Variants in DLG2 observed in about 807,000 individuals in gnomAD.
DLG2 encodes the protein disks large homolog 2.
In DLG2, 45 loss-of-function variants were observed where a neutral mutation model predicts 132.5. The observed-to-expected ratio is 0.34, with a 90% CI of 0.27 to 0.44. The LOEUF is 0.44. Ranked by LOEUF, DLG2 falls within the 20% of genes least tolerant of loss-of-function variation. The pLI is 1.00. For synonymous variants in DLG2, 424 were observed against 419.6 expected (o/e 1.01, Z -0.13); for missense variants, 1,045 against 1,196.9 (o/e 0.87, Z 1.87).
intron 6 of DLG2, among the ~76,000 whole-genome samples, chr11:84,844,944 G>A (rs1449652476): frequency 6.6e-6 from 1 of 152,112 alleles, no homozygotes; most frequent in Non-Finnish European, 1.5e-5. Context: ...CAAATCCAGT[G>A]AATATGCATA....
At chr11:84,308,342 C>T (rs1379306776) in intron 7 of DLG2, among the ~76,000 whole-genome samples, 1 of 152,216 alleles carries the variant, frequency 6.6e-6, no homozygotes, top group African/African-American at 2.4e-5. Context: ...GGTGCATTCA[C>T]AATCCCTGAG....
In DLG2 at chr11:84,815,412, T is replaced by C. The variant is rs545705426; in HGVS notation, c.358-280681A>G. ...TGTCAGTAATATCTGGCTTACATAATTACATGAAACGTTTCTGCTTCCATC... is the reference window on the plus strand; with the variant it reads ...TGTCAGTAATATCTGGCTTACATAACTACATGAAACGTTTCTGCTTCCATC... On this transcript the variant is annotated intron_variant, in intron 6 of 27. Coordinates refer to ENST00000376104, the MANE Select transcript of DLG2 (RefSeq NM_001142699.3). Among the ~76,000 whole-genome samples the C allele has an allele frequency of 2.5e-4, 38 of 152,178 alleles. 1 individual carries two copies. The highest frequency in any genetic ancestry group is 6.8e-3 in the Middle Eastern group (2 of 294).
chr11:84,621,088 A>T (rs2099613120), intron 6 of DLG2, among the ~76,000 whole-genome samples: 1 of 152,124 alleles, frequency 6.6e-6, no homozygotes, highest in Admixed American at 6.6e-5. Context: ...CAGAAGGTGA[A>T]AGCACATAAA....
chr11:84,484,783 T>G (rs2154494300), intron 7 of DLG2, among the ~76,000 whole-genome samples: 1 of 152,306 alleles, frequency 6.6e-6, no homozygotes, highest in African/African-American at 2.4e-5. Context: ...ATCTTTCAAG[T>G]CACGTGGCTC....
chr11:83,626,282 T>C (rs981072206), intron 19 of DLG2, among the ~76,000 whole-genome samples: 1 of 152,116 alleles, frequency 6.6e-6, no homozygotes, highest in Non-Finnish European at 1.5e-5. Flanking sequence ...ACATAACACA[T>C]GGGGTATCAG....
intron 7 of DLG2, among the ~76,000 whole-genome samples, chr11:84,483,975 C>G (rs1158221006): frequency 6.6e-6 from 1 of 152,116 alleles, no homozygotes; most frequent in African/African-American, 2.4e-5. Flanking sequence ...ACCAATAGAT[C>G]TTTATGAGAG....
intron 10 of DLG2, among the ~76,000 whole-genome samples, chr11:84,098,060 G>A (rs1414056909): frequency 6.3e-5 from 3 of 47,534 alleles, no homozygotes; most frequent in African/African-American, 2.4e-4. Context: ...TTTCTTTTTT[G>A]CTTTTTGAGA....
chr11:84,963,431 T>C (rs1002787049), intron 6 of DLG2, among the ~76,000 whole-genome samples: 75 of 149,596 alleles, frequency 5.0e-4, no homozygotes, highest in African/African-American at 1.8e-3. Context: ...ATTTGCCCAC[T>C]CTATAGACTG....
At chr11:84,260,692 GAGA>G (rs1457272354) in intron 7 of DLG2, among the ~76,000 whole-genome samples, 3 of 152,128 alleles carry the variant, frequency 2.0e-5, no homozygotes, top group Admixed American at 6.5e-5. Flanking sequence ...CTTGTCTATA[GAGA>G]AGTAAACAGA....
chr11:85,110,676 C>G (rs1226147213), intron 6 of DLG2, among the ~76,000 whole-genome samples: 2 of 152,064 alleles, frequency 1.3e-5, no homozygotes, highest in Non-Finnish European at 2.9e-5. Flanking sequence ...AGCTTAATCT[C>G]TTACACAATC....
intron 8 of DLG2, among the ~76,000 whole-genome samples, chr11:84,199,947 A>G (rs1013086415): frequency 6.6e-6 from 1 of 152,124 alleles, no homozygotes; most frequent in Non-Finnish European, 1.5e-5. Flanking sequence ...AGTCCAATGA[A>G]TTACAAAGAG....
intron 18 of DLG2, among the ~76,000 whole-genome samples, chr11:83,700,170 G>A (rs1393723938): frequency 6.6e-6 from 1 of 152,108 alleles, no homozygotes; most frequent in Non-Finnish European, 1.5e-5. Context: ...GTTTTGAGGA[G>A]TAAATATAAT....
At chr11:84,203,955 ATTT>A (rs924033257) in intron 8 of DLG2, among the ~76,000 whole-genome samples, 66 of 152,028 alleles carry the variant, frequency 4.3e-4, no homozygotes, top group African/African-American at 1.5e-3. Context: ...GGGGAAAAAT[ATTT>A]TTTATTTTTT....
rs191801600 is a variant in DLG2, at chr11:84,351,038, C to G, written c.520-99747G>C. On this transcript the variant is annotated intron_variant, in intron 7 of 27. Transcript: ENST00000376104. ...ATTTTATTTTTTGGAGAGCACTGTACAGTCTATTATACAGAACTTTAGATG... is the reference window on the plus strand; with the variant it reads ...ATTTTATTTTTTGGAGAGCACTGTAGAGTCTATTATACAGAACTTTAGATG... Among the ~76,000 whole-genome samples, 621 of 152,118 alleles carry G rather than the reference C, an allele frequency of 4.1e-3. 3 individuals are homozygous for G. Among genetic ancestry groups the G allele is most frequent in the Admixed American group, 5.6e-3 (85 of 15,272 alleles).
intron 10 of DLG2, among the ~76,000 whole-genome samples, chr11:84,072,320 G>T (rs1017435508): frequency 2.0e-5 from 3 of 152,164 alleles, no homozygotes; most frequent in African/African-American, 7.2e-5. Context: ...CTCTTCCTCT[G>T]CCTGAATTAG....
intron 5 of DLG2, among the ~76,000 whole-genome samples, chr11:85,145,991 T>C (rs974405586): frequency 1.3e-4 from 20 of 152,158 alleles, no homozygotes; most frequent in African/African-American, 4.6e-4. Flanking sequence ...GGTTTCCAGG[T>C]ATTCAAATGG....
intron 3 of DLG2, among the ~76,000 whole-genome samples, chr11:85,434,758 G>A (rs563041700): frequency 6.6e-6 from 1 of 152,220 alleles, no homozygotes; most frequent in Non-Finnish European, 1.5e-5. Context: ...AACAGGAGCT[G>A]GTACCATTCC....
intron 8 of DLG2, among the ~76,000 whole-genome samples, chr11:84,187,374 T>C (rs1288264725): frequency 6.6e-6 from 1 of 151,972 alleles, no homozygotes; most frequent in African/African-American, 2.4e-5. Context: ...TGAAGGTGGT[T>C]TGTCAATTTT....
chr11:83,720,326 A>AAAAAAT (rs1593067642), intron 18 of DLG2, among the ~76,000 whole-genome samples: 2 of 138,536 alleles, frequency 1.4e-5, no homozygotes, highest in Non-Finnish European at 3.1e-5. Context: ...AAAAAAAAAA[A>AAAAAAT]GAATGACATT....
Sources: gnomAD v4.1 joint callset for allele counts (sites outside exome capture counted in the v4.1 genomes callset) on GRCh38, gnomAD v4.1.1 for gene constraint, MANE v1.5 for transcripts, NCBI Gene and HGNC (gene_info 2026-07-23, HGNC 2026-07-21) for gene names.